ENTREP2: variants seen among roughly 807,000 people sequenced by gnomAD.
The protein encoded by ENTREP2 is protein ENTREP2.
the ENTREP2 span, among the ~76,000 whole-genome samples, chr15:29,298,876 T>C: frequency 6.8e-6 from 1 of 147,966 alleles, no homozygotes. Context: ...CAGCATAATC[T>C]TAGTACCAAC....
chr15:29,672,655 A>G, the ENTREP2 span, among the ~76,000 whole-genome samples: 1 of 152,088 alleles, frequency 6.6e-6, no homozygotes, highest in African/African-American at 2.4e-5. Context: ...ATTGCAGTCG[A>G]GAGTTTAATT....
the ENTREP2 span, among the ~76,000 whole-genome samples, chr15:29,128,234 C>A: frequency 6.6e-6 from 1 of 152,158 alleles, no homozygotes; most frequent in Non-Finnish European, 1.5e-5. Context: ...CTGCTAAGGG[C>A]CCTTCTGCTT....
chr15:29,475,245 C>T, the ENTREP2 span, among the ~76,000 whole-genome samples: 209 of 152,232 alleles, frequency 1.4e-3, no homozygotes, highest in African/African-American at 4.9e-3. Context: ...AGACAGAACG[C>T]TGAGAGAGTA....
chr15:29,127,092 G>A, the ENTREP2 span, among the ~76,000 whole-genome samples: 5 of 152,202 alleles, frequency 3.3e-5, no homozygotes, highest in Non-Finnish European at 7.4e-5. Context: ...CCCAGCCACC[G>A]GGGTTGAAGC....
At chr15:29,633,300 G>T in the ENTREP2 span, among the ~76,000 whole-genome samples, 1 of 152,184 alleles carries the variant, frequency 6.6e-6, no homozygotes, top group Non-Finnish European at 1.5e-5. Context: ...GGTCCCCGAG[G>T]CTTCAGGGAG....
the ENTREP2 span, among the ~76,000 whole-genome samples, chr15:29,395,047 C>T: frequency 0.1 from 14,098 of 141,086 alleles, 922 homozygotes; most frequent in African/African-American, 0.14. Flanking sequence ...CCACCACGCC[C>T]GGCTACTTTT....
the ENTREP2 span, among the ~76,000 whole-genome samples, chr15:29,215,687 A>G: frequency 6.6e-6 from 1 of 151,938 alleles, no homozygotes; most frequent in African/African-American, 2.4e-5. Flanking sequence ...GCTGCTTTAA[A>G]GTTTGTTTTG....
At chr15:29,620,295 C>T in the ENTREP2 span, among the ~76,000 whole-genome samples, 1 of 152,006 alleles carries the variant, frequency 6.6e-6, no homozygotes, top group African/African-American at 2.4e-5. Context: ...ACTACCTGGC[C>T]CAGCAGACAG....
At chr15:29,472,472 C>T in the ENTREP2 span, among the ~76,000 whole-genome samples, 17 of 120,690 alleles carry the variant, frequency 1.4e-4, no homozygotes, top group African/African-American at 4.9e-4. Flanking sequence ...CACACACACA[C>T]ATATAAATTT....
chr15:29,627,320 G>A, the ENTREP2 span, among the ~76,000 whole-genome samples: 1 of 152,068 alleles, frequency 6.6e-6, no homozygotes, highest in Non-Finnish European at 1.5e-5. Context: ...CGAGGTGGGT[G>A]GATCACGAGG....
At chr15:29,489,584 T>C in the ENTREP2 span, among the ~76,000 whole-genome samples, 1 of 152,256 alleles carries the variant, frequency 6.6e-6, no homozygotes, top group Non-Finnish European at 1.5e-5. Context: ...TGCATCCCAA[T>C]GCCAATTACT....
chr15:29,564,736 C>A, the ENTREP2 span, among the ~76,000 whole-genome samples: 1 of 152,182 alleles, frequency 6.6e-6, no homozygotes, highest in African/African-American at 2.4e-5. Context: ...TCCCATCACT[C>A]CCCTGAGGCC....
chr15:29,150,800 A>T, the ENTREP2 span, among the ~76,000 whole-genome samples: 2 of 152,210 alleles, frequency 1.3e-5, no homozygotes, highest in Non-Finnish European at 1.5e-5. Context: ...AGAGCACATT[A>T]AAAAAACCCA....
chr15:29,230,453 A>G, the ENTREP2 span, among the ~76,000 whole-genome samples: 1 of 152,226 alleles, frequency 6.6e-6, no homozygotes, highest in Admixed American at 6.5e-5. Flanking sequence ...AAATGAAAAT[A>G]TTTAGAGAAT....
the ENTREP2 span, among the ~76,000 whole-genome samples, chr15:29,565,359 T>C: frequency 3.3e-5 from 5 of 151,472 alleles, no homozygotes; most frequent in Admixed American, 2.6e-4. Flanking sequence ...TGAATACTCA[T>C]CAGCTAGCAA....
At chr15:29,143,696 T>C in the ENTREP2 span, among the ~76,000 whole-genome samples, 3,584 of 152,250 alleles carry the variant, frequency 0.024, 63 homozygotes, top group Non-Finnish European at 0.031. Context: ...TTAATTATGC[T>C]CCCTTTATAA....
chr15:29,492,618 T>C, the ENTREP2 span, among the ~76,000 whole-genome samples: 2 of 152,176 alleles, frequency 1.3e-5, no homozygotes, highest in African/African-American at 4.8e-5. Context: ...CATATTAATA[T>C]AGAGGTATAA....
chr15:29,619,589 G>A, the ENTREP2 span, among the ~76,000 whole-genome samples: 1 of 152,054 alleles, frequency 6.6e-6, no homozygotes, highest in Non-Finnish European at 1.5e-5. Context: ...TAGAGGGACA[G>A]ACACAGTACT....
At chr15:29,238,700 C>G in the ENTREP2 span, among the ~76,000 whole-genome samples, 3 of 152,070 alleles carry the variant, frequency 2.0e-5, no homozygotes, top group Non-Finnish European at 4.4e-5. Flanking sequence ...ATGGCAGCAT[C>G]TGCTGCCGGG....
Sources: allele counts gnomAD v4.1 joint callset (sites outside exome capture counted in the v4.1 genomes callset), GRCh38; gene constraint gnomAD v4.1.1; transcripts MANE v1.5; gene names NCBI Gene and HGNC (gene_info 2026-07-23, HGNC 2026-07-21).